Variants in NCAM1 observed in about 807,000 individuals in gnomAD.
The protein encoded by NCAM1 is antigen recognized by monoclonal antibody 5.1H11.
In NCAM1, 14 loss-of-function variants were observed where a neutral mutation model predicts 109.8. That is an observed-to-expected ratio of 0.13 (90% confidence interval 0.08 to 0.20). NCAM1 has a LOEUF of 0.20. NCAM1 is among the 10% of genes least tolerant of loss of function. The pLI is 1.00. For missense variants in NCAM1, 774 were observed against 1,109.9 expected (o/e 0.70, Z 4.30); for synonymous variants, 418 against 442.9 (o/e 0.94, Z 0.70).
At chr11:113,071,119 T>G (rs1167621398) in intron 1 of NCAM1, among the ~76,000 whole-genome samples, 1 of 151,874 alleles carries the variant, frequency 6.6e-6, no homozygotes, top group Non-Finnish European at 1.5e-5. Context: ...TGAGGCCAAT[T>G]GGAAGAAAAA....
At chr11:112,966,983 T>C (rs1950744693) in intron 1 of NCAM1, among the ~76,000 whole-genome samples, 8 of 152,226 alleles carry the variant, frequency 5.3e-5, no homozygotes, top group Admixed American at 5.2e-4. Context: ...AAAAACAGAT[T>C]GTAATAAACC....
chr11:113,104,090 A>G (rs1164842060), intron 1 of NCAM1, among the ~76,000 whole-genome samples: 1 of 151,422 alleles, frequency 6.6e-6, no homozygotes, highest in Admixed American at 6.6e-5. Flanking sequence ...AGCTTTCTAA[A>G]CTTATCCCAG....
intron 1 of NCAM1, among the ~76,000 whole-genome samples, chr11:113,191,773 GTATATA>G (rs10552025): frequency 0.013 from 1,772 of 139,292 alleles, 22 homozygotes; most frequent in African/African-American, 0.05. Flanking sequence ...GTGTGTGTGT[GTATATA>G]TATATATATA....
At chr11:113,062,062 A>G (rs1313465903) in intron 1 of NCAM1, among the ~76,000 whole-genome samples, 1 of 152,232 alleles carries the variant, frequency 6.6e-6, no homozygotes, top group Non-Finnish European at 1.5e-5. Context: ...GTGGGGGACC[A>G]TGTGAGCACA....
chr11:112,991,218 A>C (rs1188140417), intron 1 of NCAM1, among the ~76,000 whole-genome samples: 1 of 152,192 alleles, frequency 6.6e-6, no homozygotes, highest in African/African-American at 2.4e-5. Context: ...TCGATTAATG[A>C]GCTAAACATG....
Position 113,232,946 on chromosome 11 carries a change from T to C in NCAM1, c.1522+132T>C, listed in dbSNP as rs1945053756. 6 of 1,003,874 alleles carry C rather than the reference T, an allele frequency of 6.0e-6. No homozygotes were observed. In the Admixed American group the frequency reaches 1.1e-4, roughly 19 times the overall value. 62.2% of individuals were successfully genotyped at this position (1,003,874 alleles called of 1,614,324 possible). On this transcript the variant is annotated intron_variant, in intron 12 of 19. Coordinates refer to ENST00000316851, the MANE Select transcript of NCAM1 (RefSeq NM_181351.5). Reference sequence around the variant, plus strand: ...GGCCAGGGTCAGCAAAGCCAGAGAGTTGGGAAGCTGGGAGCCATTGGATCA... The same window carrying C: ...GGCCAGGGTCAGCAAAGCCAGAGAGCTGGGAAGCTGGGAGCCATTGGATCA...
At position 112,963,047 on chromosome 11, in the gene NCAM1, C is replaced by A. The variant is rs1325670866; in HGVS notation, c.52+1383C>A. Among the ~76,000 whole-genome samples, 1 of 152,082 alleles carries A rather than the reference C, an allele frequency of 6.6e-6. No individual in the cohort carries two copies. Among genetic ancestry groups the A allele is most frequent in the Non-Finnish European group, 1.5e-5 (1 of 67,996 alleles). Reference sequence around the variant, plus strand: ...CCGCGGGCGGCACAAGAGCAGCGCTCGGCCGCCGCCTCCAGCCAACTCGGG... The same window carrying A: ...CCGCGGGCGGCACAAGAGCAGCGCTAGGCCGCCGCCTCCAGCCAACTCGGG... On this transcript the variant is annotated intron_variant, in intron 1 of 19. Coordinates refer to ENST00000316851, the MANE Select transcript of NCAM1 (RefSeq NM_181351.5). This position sits in a 1 kb window ranked among gnomAD's most constrained non-coding sequence, Gnocchi z 4.6.
chr11:113,077,405 C>T (rs1371346971), intron 1 of NCAM1, among the ~76,000 whole-genome samples: 3 of 152,190 alleles, frequency 2.0e-5, no homozygotes, highest in African/African-American at 7.2e-5. Flanking sequence ...ATCCTAGGCA[C>T]ACTGCAAGTG....
intron 1 of NCAM1, among the ~76,000 whole-genome samples, chr11:113,080,418 A>G (rs1361153362): frequency 6.6e-6 from 1 of 152,046 alleles, no homozygotes; most frequent in African/African-American, 2.4e-5. Context: ...CAAATCAAAC[A>G]CATAAATACC....
intron 1 of NCAM1, among the ~76,000 whole-genome samples, chr11:113,029,065 C>T (rs538126531): frequency 6.6e-6 from 1 of 152,240 alleles, no homozygotes; most frequent in East Asian, 1.9e-4. Context: ...TAATGTAAAT[C>T]CCAAAAGTTA....
chr11:113,252,405 C>CAAAA (rs58848352), intron 15 of NCAM1, among the ~76,000 whole-genome samples: 3 of 84,752 alleles, frequency 3.5e-5, no homozygotes, highest in Admixed American at 2.4e-4. Context: ...GACCCTGTCT[C>CAAAA]AAAAAAAAAA....
At chr11:113,197,853 C>A (rs1943902718) in intron 1 of NCAM1, among the ~76,000 whole-genome samples, 1 of 152,190 alleles carries the variant, frequency 6.6e-6, no homozygotes, top group African/African-American at 2.4e-5. Flanking sequence ...GCTTTGCCCA[C>A]CTCTTCTGAT....
At chr11:113,147,203 C>T (rs557619507) in intron 1 of NCAM1, among the ~76,000 whole-genome samples, 2 of 152,196 alleles carry the variant, frequency 1.3e-5, no homozygotes, top group East Asian at 3.8e-4. Flanking sequence ...TGTCTGAATT[C>T]TTTTTCCTTT....
chr11:113,029,127 G>A lies in NCAM1; in HGVS notation c.52+67463G>A, dbSNP rs143903906. 4.1e-4 allele frequency among the ~76,000 whole-genome samples: 62 copies of A among 152,262 alleles called. 1 individual carries two copies. Among genetic ancestry groups the A allele is most frequent in the African/African-American group, 1.4e-3 (57 of 41,566 alleles). ...CTTGGGCAGTAATGACTGAATTGAC[G>A]ATATTGTCAGTCAGTGGTAATATCC... is the stretch of plus-strand genomic sequence containing the variant. On this transcript the variant is annotated intron_variant, in intron 1 of 19. Coordinates refer to ENST00000316851, the MANE Select transcript of NCAM1 (RefSeq NM_181351.5).
intron 8 of NCAM1, among the ~76,000 whole-genome samples, chr11:113,216,418 C>T (rs564818413): frequency 2.6e-5 from 4 of 152,240 alleles, no homozygotes; most frequent in South Asian, 2.1e-4. Flanking sequence ...TCCCAAAGTG[C>T]TGGGATTACA....
intron 1 of NCAM1, among the ~76,000 whole-genome samples, chr11:112,965,824 A>C (rs1282428325): frequency 2.0e-5 from 3 of 152,216 alleles, no homozygotes; most frequent in Admixed American, 6.5e-5. Context: ...CTTAGTGTAA[A>C]ATAAGTGATT....
chr11:113,262,191 G>A lies in NCAM1; in HGVS notation c.2131+1868G>A, dbSNP rs114589689. Among the ~76,000 whole-genome samples the A allele has an allele frequency of 6.7e-3, 1,019 of 152,310 alleles. 12 individuals are homozygous for A. The highest frequency in any genetic ancestry group is 0.022 in the African/African-American group (923 of 41,560). The stretch of plus-strand genomic sequence containing the variant: ...CAGCAAGCAGGGTAGAAGGTGAAGC[G>A]GGGTACAGAATGAGACTTCCTTTAA... On this transcript the variant is annotated intron_variant, in intron 17 of 19. Coordinates refer to ENST00000316851, the MANE Select transcript of NCAM1 (RefSeq NM_181351.5).
At chr11:113,259,999 C>T in intron 16 of NCAM1, 147 bp from the exon 17 acceptor site, 1 of 673,760 alleles carries the variant, frequency 1.5e-6, no homozygotes, top group Non-Finnish European at 2.4e-6. Flanking sequence ...GCCACCGCGC[C>T]CACCCCCATC....
chr11:113,213,891 G>T (rs1223215245), intron 7 of NCAM1, among the ~76,000 whole-genome samples: 1 of 152,214 alleles, frequency 6.6e-6, no homozygotes, highest in Non-Finnish European at 1.5e-5. Flanking sequence ...CAGGCACCAG[G>T]TAAAATTCCA....
Sources: allele counts gnomAD v4.1 joint callset (sites outside exome capture counted in the v4.1 genomes callset), GRCh38; gene constraint gnomAD v4.1.1; non-coding constraint Gnocchi (gnomAD v3.1); transcripts MANE v1.5; gene names NCBI Gene and HGNC (gene_info 2026-07-23, HGNC 2026-07-21).